The following ODAD2 variants were observed in gnomAD, a reference collection of about 807,000 sequenced individuals.
The protein encoded by ODAD2 is outer dynein arm-docking complex subunit 2.
A neutral mutation model predicts 106.8 loss-of-function variants in ODAD2; 89 were observed. The observed-to-expected ratio is 0.83, with a 90% CI of 0.70 to 0.99. The LOEUF (loss-of-function observed/expected upper bound fraction) is 0.99. Ranked by LOEUF, ODAD2 falls within the 50% of genes least tolerant of loss-of-function variation. The pLI is 0.00. For missense variants in ODAD2, 1,168 were observed against 1,238.5 expected, an observed-to-expected ratio of 0.94 and a Z score of 0.85; for synonymous variants, 404 against 436.2, an observed-to-expected ratio of 0.93 and a Z score of 0.92.
intron 16 of ODAD2, among the ~76,000 whole-genome samples, chr10:27,929,453 A>G (rs1018838892): frequency 7.9e-5 from 12 of 152,038 alleles, no homozygotes; most frequent in African/African-American, 2.9e-4. Context: ...AATATAGATG[A>G]CTCTCCCTAA....
At chr10:27,817,091 T>C (rs541769229) in intron 19 of ODAD2, among the ~76,000 whole-genome samples, 18 of 152,084 alleles carry the variant, frequency 1.2e-4, no homozygotes, top group Non-Finnish European at 2.2e-4. Flanking sequence ...TATGCATGCA[T>C]GCATACACAC....
chr10:27,813,290 G>A (rs916792044), intron 19 of ODAD2: 1 of 152,024 alleles, frequency 6.6e-6, no homozygotes, highest in Admixed American at 6.5e-5. Flanking sequence ...ACTTTTCCAC[G>A]AAGCCTCCAA....
chr10:27,885,728 TA>T (rs1165493264), intron 17 of ODAD2, among the ~76,000 whole-genome samples: 2 of 39,434 alleles, frequency 5.1e-5, no homozygotes, highest in East Asian at 1.3e-3. Flanking sequence ...ATATTATATA[TA>T]AAATATATTA....
chr10:27,822,417 A>T (rs1240878864), intron 19 of ODAD2, among the ~76,000 whole-genome samples: 1 of 152,118 alleles, frequency 6.6e-6, no homozygotes, highest in Non-Finnish European at 1.5e-5. Flanking sequence ...AAAAGATCTT[A>T]AGTGCCCAGA....
At chr10:27,821,883 C>T (rs1836643249) in intron 19 of ODAD2, among the ~76,000 whole-genome samples, 1 of 152,152 alleles carries the variant, frequency 6.6e-6, no homozygotes, top group Admixed American at 6.5e-5. Flanking sequence ...AATCCTCCGC[C>T]TCCCCTAAAA....
At chr10:27,925,990 A>G (rs187340182) in intron 16 of ODAD2, among the ~76,000 whole-genome samples, 48 of 143,938 alleles carry the variant, frequency 3.3e-4, no homozygotes, top group Non-Finnish European at 5.8e-4. Flanking sequence ...TGGGTGACAG[A>G]GTGAGACTCC....
At chr10:27,884,381 A>C (rs1014654166) in intron 17 of ODAD2, among the ~76,000 whole-genome samples, 1 of 152,052 alleles carries the variant, frequency 6.6e-6, no homozygotes, top group Non-Finnish European at 1.5e-5. Flanking sequence ...ACCACAAAAA[A>C]CCCACACTTG....
intron 19 of ODAD2, among the ~76,000 whole-genome samples, chr10:27,835,379 C>T (rs941467879): frequency 7.2e-5 from 11 of 152,192 alleles, no homozygotes; most frequent in South Asian, 6.2e-4. Flanking sequence ...CATCTCACAC[C>T]TGTAGCCTGA....
intron 17 of ODAD2, among the ~76,000 whole-genome samples, chr10:27,884,575 T>C (rs2133603364): frequency 6.6e-6 from 1 of 152,260 alleles, no homozygotes; most frequent in Middle Eastern, 3.4e-3. Context: ...GTTTCTGTTT[T>C]ATCTGACTCA....
intron 16 of ODAD2, among the ~76,000 whole-genome samples, chr10:27,917,081 A>G (rs1233764727): frequency 2.0e-5 from 3 of 152,218 alleles, no homozygotes; most frequent in African/African-American, 7.2e-5. Flanking sequence ...CTACTGCAGA[A>G]TACACAGTTT....
chr10:27,904,326 C>T (rs567034272), intron 17 of ODAD2: 5 of 317,774 alleles, frequency 1.6e-5, no homozygotes, highest in East Asian at 8.2e-5. Context: ...GGGAACATGG[C>T]GTCATGGCAG....
chr10:27,942,938 G>T (rs559026045), intron 12 of ODAD2, among the ~76,000 whole-genome samples: 1 of 152,256 alleles, frequency 6.6e-6, no homozygotes, highest in South Asian at 2.1e-4. Flanking sequence ...GAAAATTTCT[G>T]AACACATTTT....
At chr10:27,941,520 A>G (rs1434250080) in intron 12 of ODAD2, among the ~76,000 whole-genome samples, 2 of 149,070 alleles carry the variant, frequency 1.3e-5, no homozygotes, top group Admixed American at 1.4e-4. Context: ...AAACCATGAG[A>G]TCTCTTTGGA....
At chr10:27,888,033 TAAAC>T (rs1471030940) in intron 17 of ODAD2, among the ~76,000 whole-genome samples, 1 of 151,970 alleles carries the variant, frequency 6.6e-6, no homozygotes, top group Non-Finnish European at 1.5e-5. Flanking sequence ...TAAGGAGACT[TAAAC>T]AATAATAAAA....
intron 17 of ODAD2, among the ~76,000 whole-genome samples, chr10:27,903,518 T>A (rs1177394378): frequency 6.8e-6 from 1 of 146,506 alleles, no homozygotes; most frequent in East Asian, 2.0e-4. Context: ...TTGTCTTTGT[T>A]TGCAGATGGC....
intron 19 of ODAD2, among the ~76,000 whole-genome samples, chr10:27,843,663 G>A (rs1378173143): frequency 6.6e-6 from 1 of 152,052 alleles, no homozygotes; most frequent in East Asian, 1.9e-4. Flanking sequence ...AGCTACTTGG[G>A]AGGCTGAGGC....
Position 27,930,670 on chromosome 10 carries a change from T to C in ODAD2, c.2495+4340A>G, listed in dbSNP as rs147253535. On this transcript the variant is annotated intron_variant, in intron 16 of 19. Coordinates refer to ENST00000305242, the MANE Select transcript of ODAD2 (RefSeq NM_018076.5). ...AAGAAAAAGGCAAACAAAAACTTTA[T>C]ATAATTTTTTGATTCTCTTATTAAG... Among the ~76,000 whole-genome samples the C allele has an allele frequency of 3.9e-3, 599 of 151,940 alleles. 1 individual carries two copies. Among genetic ancestry groups the C allele is most frequent in the South Asian group, 0.012 (59 of 4,794 alleles).
intron 19 of ODAD2, among the ~76,000 whole-genome samples, chr10:27,857,127 C>T (rs1589837126): frequency 6.6e-6 from 1 of 152,174 alleles, no homozygotes. Context: ...CAGCCTCTGC[C>T]ACTCCTGAGA....
intron 16 of ODAD2, among the ~76,000 whole-genome samples, chr10:27,907,985 A>T (rs1843722534): frequency 6.6e-6 from 1 of 152,188 alleles, no homozygotes; most frequent in African/African-American, 2.4e-5. Context: ...ATGACACAGA[A>T]AACAAGCTGC....
Sources: allele counts gnomAD v4.1 joint callset (sites outside exome capture counted in the v4.1 genomes callset), GRCh38; gene constraint gnomAD v4.1.1; transcripts MANE v1.5; gene names NCBI Gene and HGNC (gene_info 2026-07-23, HGNC 2026-07-21).